PCDHGA3: variants seen among roughly 807,000 people sequenced by gnomAD.
PCDHGA3 encodes the protein protocadherin gamma subfamily A, 3, also known as protocadherin gamma-A3.
In PCDHGA3, 40 loss-of-function variants were observed where a neutral mutation model predicts 58.5. That is an observed-to-expected ratio of 0.68 (90% CI 0.53 to 0.89). The LOEUF (loss-of-function observed/expected upper bound fraction) is 0.89, where lower values mean the gene tolerates loss of function less well. Among genes scored for constraint, PCDHGA3 ranks in the 40% least tolerant of loss-of-function variants. The probability of loss-of-function intolerance (pLI) is 0.00; values close to 1 mark genes in which losing one functional copy is unlikely to be tolerated. For synonymous variants in PCDHGA3, 530 were observed against 525.7 expected, an observed-to-expected ratio of 1.01 and a Z score of -0.11; for missense variants, 1,223 against 1,195.9, an observed-to-expected ratio of 1.02 and a Z score of -0.33.
At chr5:141,409,741 G>A in intron 1 of PCDHGA3, 2 of 1,613,122 alleles carry the variant, frequency 1.2e-6, no homozygotes, top group Non-Finnish European at 1.7e-6. Context: ...AGAGCGGGGT[G>A]GTGTTCGCGC....
chr5:141,410,414 G>A lies in PCDHGA3; in HGVS notation c.2424+63957G>A, dbSNP rs201698858. On this transcript the variant is annotated intron_variant, in intron 1 of 3. Coordinates refer to ENST00000253812, the MANE Select transcript of PCDHGA3 (RefSeq NM_018916.4). ...TGGTCTCTGTGTCAAGTCTGGACCT[G>A]TAGTTCCCCCCAACTACAGTGAGGG... 2.0e-4 allele frequency: 326 copies of A among 1,613,916 alleles called. 1 individual carries two copies. The highest frequency in any genetic ancestry group is 2.7e-4 in the Non-Finnish European group (315 of 1,179,910).
intron 1 of PCDHGA3, chr5:141,392,672 T>C (rs1375291090): frequency 4.5e-6 from 4 of 880,364 alleles, no homozygotes; most frequent in Non-Finnish European, 6.7e-6. Flanking sequence ...AACTAACTGC[T>C]GGACTGCAGC....
Position 141,485,096 on chromosome 5 carries a change from CCAG to C in PCDHGA3, c.2425-9709_2425-9707del. The C allele has an allele frequency of 8.9e-7, 1 of 1,125,684 alleles. No homozygotes were observed. The highest frequency in any genetic ancestry group is 1.3e-6 in the Non-Finnish European group (1 of 759,466). 69.7% of individuals were successfully genotyped at this position (1,125,684 alleles called of 1,614,324 possible). A position where few individuals can be genotyped will look rare whatever the true frequency, so the allele number is the denominator to read the frequency against. ...CGCGGGGAAAGGGAGATAGGTGTCTCCAGCTGCTGTGGCTGTTTGGGGCGGGTC... is the reference window on the plus strand; with the variant it reads ...CGCGGGGAAAGGGAGATAGGTGTCTCCTGCTGTGGCTGTTTGGGGCGGGTC... On this transcript the variant is annotated intron_variant, in intron 1 of 3. Transcript: ENST00000253812. The surrounding 1 kb of genome is among the most constrained non-coding windows in gnomAD (Gnocchi z 5.7).
At position 141,489,861 on chromosome 5, in the gene PCDHGA3, A is replaced by G. The variant is rs1221756350; in HGVS notation, c.2425-4946A>G. The G allele has an allele frequency of 1.2e-5, 19 of 1,614,058 alleles. No individual in the cohort carries two copies. Among genetic ancestry groups the G allele is most frequent in the Non-Finnish European group, 1.5e-5 (18 of 1,179,998 alleles). On this transcript the variant is annotated intron_variant, in intron 1 of 3. Transcript: ENST00000253812. The surrounding 1 kb of genome is among the most constrained non-coding windows in gnomAD (Gnocchi z 4.5). ...AGCTGGATCGTGAAGCCCAGGCAAGACATCAGCTGGTGCTTACTGCTGTGG... is the reference window on the plus strand; with the variant it reads ...AGCTGGATCGTGAAGCCCAGGCAAGGCATCAGCTGGTGCTTACTGCTGTGG...
intron 1 of PCDHGA3, chr5:141,376,149 TCA>T (rs1772336007): frequency 1.2e-6 from 2 of 1,613,934 alleles, no homozygotes; most frequent in Non-Finnish European, 1.7e-6. Context: ...GATTCGGACC[TCA>T]CTCTGTACCT....
intron 1 of PCDHGA3, chr5:141,407,937 C>G: frequency 2.0e-6 from 1 of 511,428 alleles, no homozygotes; most frequent in Non-Finnish European, 3.3e-6. Context: ...AGCCTCTGGG[C>G]GCCGCTGTCG....
In PCDHGA3 at chr5:141,415,239, T is replaced by G. The variant is rs781763142; in HGVS notation, c.2424+68782T>G. The G allele has an allele frequency of 8.1e-6, 13 of 1,614,068 alleles. No individual in the cohort carries two copies. The South Asian group carries it at 1.3e-4, about 16-fold the overall frequency. The stretch of plus-strand genomic sequence containing the variant: ...GCAGCTTCGAGTCTCCAGCTAACTC[T>G]GAAACCTCAGACCTCACTCTGTACC... On this transcript the variant is annotated intron_variant, in intron 1 of 3. Coordinates refer to ENST00000253812, the MANE Select transcript of PCDHGA3 (RefSeq NM_018916.4).
intron 1 of PCDHGA3, chr5:141,413,734 C>A: frequency 6.2e-7 from 1 of 1,613,422 alleles, no homozygotes; most frequent in Non-Finnish European, 8.5e-7. Context: ...CCTAAGAGTT[C>A]AGAGCCGTGC....
At position 141,477,830 on chromosome 5, in the gene PCDHGA3, C is replaced by T; in HGVS notation, c.2425-16977C>T. ...TGCCCCCCAGGTCCTATATCCTCGG[C>T]CAGGTGGGAGCTCGGTGGAGATGCT... is the stretch of plus-strand genomic sequence containing the variant. On this transcript the variant is annotated intron_variant, in intron 1 of 3. Transcript: ENST00000253812. The surrounding 1 kb of genome is among the most constrained non-coding windows in gnomAD (Gnocchi z 4.9). 1 of 1,614,170 alleles carries T rather than the reference C, an allele frequency of 6.2e-7. No individual in the cohort carries two copies. Among genetic ancestry groups the T allele is most frequent in the Non-Finnish European group, 8.5e-7 (1 of 1,180,038 alleles).
At chr5:141,377,663 A>C (rs1774232971) in intron 1 of PCDHGA3, 1 of 152,130 alleles carries the variant, frequency 6.6e-6, no homozygotes, top group African/African-American at 2.4e-5. Context: ...TAAACGACAG[A>C]CGTTCATACA....
chr5:141,391,238 T>A (rs1388439892), intron 1 of PCDHGA3: 1 of 152,120 alleles, frequency 6.6e-6, no homozygotes, highest in Non-Finnish European at 1.5e-5. Flanking sequence ...TTGCTAGGTA[T>A]ATCTAAGCAA....
intron 1 of PCDHGA3, among the ~76,000 whole-genome samples, chr5:141,444,014 T>C (rs2098414038): frequency 6.6e-6 from 1 of 152,122 alleles, no homozygotes; most frequent in Admixed American, 6.6e-5. Flanking sequence ...GGGTATTGGC[T>C]TCTAAAAGGA....
chr5:141,510,919 C>T (rs748157000), intron 3 of PCDHGA3, 28 bp from the exon 4 acceptor site: 1 of 1,613,894 alleles, frequency 6.2e-7, no homozygotes, highest in East Asian at 2.2e-5. Context: ...AAGTTTAGCT[C>T]CCACCTGATC....
intron 1 of PCDHGA3, chr5:141,403,792 A>G: frequency 1.2e-6 from 2 of 1,613,922 alleles, no homozygotes; most frequent in African/African-American, 1.3e-5. Context: ...TGGCATACAA[A>G]TTCTGGAAAA....
chr5:141,352,315 G>GT, intron 1 of PCDHGA3: 4 of 1,614,064 alleles, frequency 2.5e-6, no homozygotes, highest in Non-Finnish European at 3.4e-6. Context: ...CGGAACTGCA[G>GT]TTTTACCTGG....
intron 1 of PCDHGA3, chr5:141,366,631 C>T (rs1330710940): frequency 3.7e-6 from 6 of 1,614,138 alleles, no homozygotes; most frequent in Non-Finnish European, 5.1e-6. Flanking sequence ...GGAAGAGTCA[C>T]CTGATCTTTC....
chr5:141,448,179 G>C (rs763996329), intron 1 of PCDHGA3, among the ~76,000 whole-genome samples: 1 of 151,982 alleles, frequency 6.6e-6, no homozygotes, highest in Non-Finnish European at 1.5e-5. Context: ...ATTCATCCCT[G>C]GTTATGTACA....
chr5:141,362,656 G>C, intron 1 of PCDHGA3: 1 of 1,396,522 alleles, frequency 7.2e-7, no homozygotes, highest in South Asian at 1.5e-5. Flanking sequence ...AGTTAGATTT[G>C]GCCAATGTTG....
intron 1 of PCDHGA3, chr5:141,357,225 G>A: frequency 1.9e-6 from 3 of 1,613,814 alleles, no homozygotes; most frequent in Non-Finnish European, 2.5e-6. Context: ...TGGCTGACTT[G>A]GGCAGCCTCA....
Sources: gnomAD v4.1 joint callset for allele counts (sites outside exome capture counted in the v4.1 genomes callset) on GRCh38, gnomAD v4.1.1 for gene constraint, Gnocchi (gnomAD v3.1) non-coding constraint, MANE v1.5 for transcripts, NCBI Gene and HGNC (gene_info 2026-07-23, HGNC 2026-07-21) for gene names.